Variants in DYNC2H1 observed in about 807,000 individuals in gnomAD.
DYNC2H1 encodes the protein cytoplasmic dynein 2 heavy chain 1.
A neutral mutation model predicts 570.0 loss-of-function variants in DYNC2H1; 410 were observed. That is an observed-to-expected ratio of 0.72 (90% CI 0.66 to 0.78). The LOEUF (loss-of-function observed/expected upper bound fraction) is 0.78. Among genes scored for constraint, DYNC2H1 ranks in the 30% least tolerant of loss-of-function variants. The pLI is 0.00. For synonymous variants in DYNC2H1, 1,688 were observed against 1,677.6 expected (o/e 1.01, Z -0.15); for missense variants, 4,865 against 5,046.4 (o/e 0.96, Z 1.09).
intron 18 of DYNC2H1, among the ~76,000 whole-genome samples, chr11:103,144,367 G>T (rs1183122104): frequency 6.6e-6 from 1 of 152,142 alleles, no homozygotes; most frequent in Non-Finnish European, 1.5e-5. Context: ...ATTGTGATTA[G>T]TATCAAGTGG....
intron 75 of DYNC2H1, among the ~76,000 whole-genome samples, chr11:103,288,684 T>TAAAAAAAAAAAAAAAAAAAAAAA (rs57040929): frequency 1.8e-4 from 5 of 27,912 alleles, no homozygotes; most frequent in East Asian, 1.3e-3. Context: ...CCGTCTCTAC[T>TAAAAAAAAAAAAAAAAAAAAAAA]AAAAAAAAAA....
At chr11:103,333,660 A>G (rs866826670) in intron 82 of DYNC2H1, among the ~76,000 whole-genome samples, 2 of 152,178 alleles carry the variant, frequency 1.3e-5, no homozygotes, top group Non-Finnish European at 2.9e-5. Context: ...ATGGGTGCAC[A>G]TGACTATTTT....
intron 85 of DYNC2H1, among the ~76,000 whole-genome samples, chr11:103,447,071 G>A (rs575325669): frequency 7.9e-5 from 12 of 152,056 alleles, no homozygotes; most frequent in African/African-American, 2.9e-4. Flanking sequence ...GAAAAGTCAG[G>A]GAAATGGTAA....
At chr11:103,352,469 A>T (rs1447054830) in intron 82 of DYNC2H1, among the ~76,000 whole-genome samples, 1 of 152,216 alleles carries the variant, frequency 6.6e-6, no homozygotes, top group Non-Finnish European at 1.5e-5. Flanking sequence ...TATTAAAATT[A>T]CTTACTTGAC....
chr11:103,198,998 A>C (rs540052540), intron 48 of DYNC2H1, among the ~76,000 whole-genome samples: 1 of 152,216 alleles, frequency 6.6e-6, no homozygotes, highest in African/African-American at 2.4e-5. Flanking sequence ...AAAGTAACTG[A>C]TTTTCACGGA....
intron 78 of DYNC2H1, among the ~76,000 whole-genome samples, chr11:103,309,921 G>A (rs12420472): frequency 0.14 from 21,013 of 151,896 alleles, 1,722 homozygotes; most frequent in Admixed American, 0.25. Context: ...ATATTTTTAT[G>A]GGAATTTCCA....
At chr11:103,321,435 T>C (rs1020630811) in intron 81 of DYNC2H1, among the ~76,000 whole-genome samples, 198 bp downstream of exon 81, 3 of 152,126 alleles carry the variant, frequency 2.0e-5, no homozygotes, top group Non-Finnish European at 4.4e-5. Flanking sequence ...TACTGAAAGT[T>C]GGGTGGTTGA....
At chr11:103,255,168 T>G (rs550652454) in intron 66 of DYNC2H1, among the ~76,000 whole-genome samples, 13 of 152,362 alleles carry the variant, frequency 8.5e-5, no homozygotes, top group African/African-American at 3.1e-4. Context: ...ATTGATATGT[T>G]AAGTAATGCA....
At chr11:103,335,304 CTA>C (rs1171150434) in intron 82 of DYNC2H1, among the ~76,000 whole-genome samples, 4 of 152,028 alleles carry the variant, frequency 2.6e-5, no homozygotes, top group African/African-American at 9.7e-5. Flanking sequence ...TCTTTAATGA[CTA>C]TACAGTTCCT....
chr11:103,439,822 T>G lies in DYNC2H1; in HGVS notation c.12456+3790T>G, dbSNP rs7113864. Among the ~76,000 whole-genome samples the G allele has an allele frequency of 0.059, 9,003 of 152,266 alleles. 305 individuals carry two copies. The highest frequency in any genetic ancestry group is 0.08 in the Non-Finnish European group (5,431 of 68,012). On this transcript the variant is annotated intron_variant, in intron 85 of 88. Transcript: ENST00000375735. This position sits in a 1 kb window ranked among gnomAD's most constrained non-coding sequence, Gnocchi z 4.1. ...CAAAGGAATTAACAAATGAATGGACTGGACAGATTACTCTCTTTGGGGAAC... is the reference window on the plus strand; with the variant it reads ...CAAAGGAATTAACAAATGAATGGACGGGACAGATTACTCTCTTTGGGGAAC...
chr11:103,214,580 G>A (rs887698304), intron 54 of DYNC2H1, among the ~76,000 whole-genome samples: 4 of 151,318 alleles, frequency 2.6e-5, no homozygotes. Flanking sequence ...GAGTAGCTGC[G>A]ATACAGGCAG....
chr11:103,133,636 C>A lies in DYNC2H1; in HGVS notation c.2035C>A (p.Gln679Lys). The A allele has an allele frequency of 1.2e-6, 2 of 1,613,110 alleles. No individual in the cohort carries two copies. The highest frequency in any genetic ancestry group is 1.7e-6 in the Non-Finnish European group (2 of 1,179,636). The change falls in exon 14 of 89, where the codon CAA (glutamine) becomes AAA (lysine). Residue 679 changes from glutamine (Q) to lysine (K), a missense_variant. Around this residue, in one of 5 missense-constraint regions of DYNC2H1, gnomAD observed 1,936 missense variants for 1,962.1 expected, o/e 0.99. Transcript: ENST00000375735. The surrounding 1 kb of genome is among the most constrained non-coding windows in gnomAD (Gnocchi z 4.8). ...ATTAGAAGGCTATATCCAAAAACTC[C>A]AAAATGCTGCTGAACGGCTTGCCAC... The part of the protein sequence containing the change: ...KELEGYIQKL[Q>K]NAAERLATEN...
rs534724958 is a variant in DYNC2H1, at chr11:103,472,086, G to T, written c.12765+3381G>T. 5.9e-5 allele frequency among the ~76,000 whole-genome samples: 9 copies of T among 152,354 alleles called. No homozygotes were observed. Among genetic ancestry groups the T allele is most frequent in the African/African-American group, 2.2e-4 (9 of 41,588 alleles). ...AAGAGCTTAGGATATTCTGGGAACA[G>T]CAAGTATTGTACATCTGGAGGGTAT... On this transcript the variant is annotated intron_variant, in intron 88 of 88. Transcript: ENST00000375735. The surrounding 1 kb of genome is among the most constrained non-coding windows in gnomAD (Gnocchi z 4.1).
At position 103,204,849 on chromosome 11, in the gene DYNC2H1, TG is replaced by T; in HGVS notation, c.8340del (p.Ile2781Ter). ...YRIQQNLHIVLIMDSANSNFM... is the reference protein window; with the variant it reads ...YRIQQNLHIVXIMDSANSNFM... ...ATTCAGCAAAACTTGCATATTGTCT[TG>T]ATAATGGATTCTGCAAATTCAAACT... On this transcript the variant is annotated frameshift_variant, in exon 52 of 89. Coordinates refer to ENST00000375735, the MANE Select transcript of DYNC2H1 (RefSeq NM_001377.3). LOFTEE classifies it high-confidence loss of function. The surrounding 1 kb of genome is among the most constrained non-coding windows in gnomAD (Gnocchi z 4.1). 6.3e-7 allele frequency: 1 copy of T among 1,588,540 alleles called. No homozygotes were observed. The highest frequency in any genetic ancestry group is 8.6e-7 in the Non-Finnish European group (1 of 1,166,156).
At chr11:103,223,584 A>C (rs61896690) in intron 59 of DYNC2H1, among the ~76,000 whole-genome samples, 3 of 151,432 alleles carry the variant, frequency 2.0e-5, no homozygotes, top group Non-Finnish European at 2.9e-5. Flanking sequence ...GACTAAAATA[A>C]CATGTTGGTC....
intron 54 of DYNC2H1, among the ~76,000 whole-genome samples, chr11:103,213,455 CT>C (rs886093690): frequency 9.3e-5 from 14 of 151,266 alleles, no homozygotes; most frequent in South Asian, 2.1e-4. Context: ...TTCTATGATG[CT>C]TTTTTTTAAG....
intron 65 of DYNC2H1, among the ~76,000 whole-genome samples, chr11:103,250,899 TGTAAA>T (rs1369416669): frequency 6.6e-6 from 1 of 152,036 alleles, no homozygotes; most frequent in African/African-American, 2.4e-5. Context: ...TAGAACTTAT[TGTAAA>T]GTATTTTAAT....
intron 63 of DYNC2H1, among the ~76,000 whole-genome samples, chr11:103,240,004 A>G (rs1864367361): frequency 6.7e-6 from 1 of 149,666 alleles, no homozygotes. Context: ...CTCAAAATTT[A>G]TCAGCCTTTA....
intron 88 of DYNC2H1, among the ~76,000 whole-genome samples, chr11:103,473,012 T>A (rs1004357348): frequency 6.6e-6 from 1 of 152,158 alleles, no homozygotes; most frequent in African/African-American, 2.4e-5. Flanking sequence ...ATTGAAGAAC[T>A]TCAACATTGT....
Sources: gnomAD v4.1 joint callset for allele counts (sites outside exome capture counted in the v4.1 genomes callset) on GRCh38, gnomAD v4.1.1 for gene constraint, gnomAD v4.1.1 regional missense constraint, Gnocchi (gnomAD v3.1) non-coding constraint, MANE v1.5 for transcripts, NCBI Gene and HGNC (gene_info 2026-07-23, HGNC 2026-07-21) for gene names.